GUF1: variants seen among roughly 807,000 people sequenced by gnomAD.
The protein encoded by GUF1 is GTP binding elongation factor GUF1.
Under a neutral mutation model 82.4 loss-of-function variants are expected in GUF1, and 78 were observed. The observed-to-expected ratio is 0.95, with a 90% CI of 0.79 to 1.14. The LOEUF (loss-of-function observed/expected upper bound fraction) is 1.14, where lower values mean the gene tolerates loss of function less well. Among genes scored for constraint, GUF1 ranks in the 50% most tolerant of loss-of-function variants. GUF1 has a pLI of 0.00. For synonymous variants in GUF1, 279 were observed against 282.3 expected, an observed-to-expected ratio of 0.99 and a Z score of 0.12; for missense variants, 814 against 798.2, an observed-to-expected ratio of 1.02 and a Z score of -0.24.
chr4:44,693,999 A>G (rs1715613619), intron 13 of GUF1: 2 of 169,498 alleles, frequency 1.2e-5, no homozygotes, highest in Non-Finnish European at 2.5e-5. Context: ...CATAGCATTT[A>G]TTTAAACATA....
chr4:44,685,593 G>A (rs1314962130), intron 6 of GUF1, among the ~76,000 whole-genome samples: 5 of 151,934 alleles, frequency 3.3e-5, no homozygotes, highest in Non-Finnish European at 7.4e-5. Flanking sequence ...TGAGATTTAG[G>A]CAGAATATGA....
At chr4:44,679,006 C>A (rs1445103770) in intron 1 of GUF1, among the ~76,000 whole-genome samples, 2 of 152,202 alleles carry the variant, frequency 1.3e-5, no homozygotes, top group African/African-American at 4.8e-5. Context: ...TAGGTTTTCT[C>A]ATTTTCAATG....
intron 8 of GUF1, among the ~76,000 whole-genome samples, chr4:44,687,044 A>G (rs915093462): frequency 6.6e-6 from 1 of 151,946 alleles, no homozygotes; most frequent in Non-Finnish European, 1.5e-5. Flanking sequence ...ACATTTCTTC[A>G]TAACTAGATT....
At position 44,680,782 on chromosome 4, in the gene GUF1, A is replaced by G. The variant is rs1448928755; in HGVS notation, c.366A>G (p.Thr122=). 2 of 1,612,102 alleles carry G rather than the reference A, an allele frequency of 1.2e-6. No homozygotes were observed. The highest frequency in any genetic ancestry group is 1.7e-6 in the Non-Finnish European group (2 of 1,178,466). Residue 122 remains threonine (T), a synonymous_variant, in exon 3 of 17, where the codon ACA becomes ACG. Transcript: ENST00000281543. ...RERGITVKAQ[T]ASLFYNCEGK... ...GAGGAATCACTGTTAAAGCACAGAC[A>G]GCATCTCTCTTTTACAATTGTGAAG...
intron 8 of GUF1, 45 bp from the exon 9 acceptor site, chr4:44,687,962 G>C: frequency 1.9e-6 from 3 of 1,549,092 alleles, no homozygotes; most frequent in Non-Finnish European, 2.7e-6. Context: ...TTATGTGCTT[G>C]AAACATTAAA....
intron 10 of GUF1, 108 bp from the exon 11 acceptor site, chr4:44,689,731 TTGAA>T: frequency 1.2e-6 from 1 of 858,794 alleles, no homozygotes; most frequent in Non-Finnish European, 1.7e-6. Context: ...TGTGAATTGT[TTGAA>T]TGACTTAATT....
At position 44,698,642 on chromosome 4, in the gene GUF1, T is replaced by C. The variant is rs1292638794; in HGVS notation, c.1971T>C (p.Asp657=). ...RKIGNVEVPK[D]AFIKVLKTQS... is the part of the protein sequence containing the mutation. ...TTGGCAACGTTGAAGTTCCAAAAGATGCTTTTATAAAAGTTCTGAAAACAC... is the reference window on the plus strand; with the variant it reads ...TTGGCAACGTTGAAGTTCCAAAAGACGCTTTTATAAAAGTTCTGAAAACAC... Residue 657 remains aspartate (D), a synonymous_variant, in exon 17 of 17, where the codon GAT becomes GAC. Transcript: ENST00000281543. The C allele has an allele frequency of 1.9e-6, 3 of 1,607,734 alleles. No individual in the cohort carries two copies. The African/African-American group carries it at 4.0e-5, about 22-fold the overall frequency.
At chr4:44,681,889 G>A (rs1357419409) in intron 4 of GUF1, among the ~76,000 whole-genome samples, 1 of 152,028 alleles carries the variant, frequency 6.6e-6, no homozygotes, top group East Asian at 1.9e-4. Flanking sequence ...AATAAGCTTT[G>A]AGGTCCTTGA....
intron 4 of GUF1, among the ~76,000 whole-genome samples, chr4:44,681,477 C>T (rs1436928556): frequency 1.3e-5 from 2 of 151,508 alleles, no homozygotes; most frequent in Non-Finnish European, 2.9e-5. Flanking sequence ...TGCATCTTAC[C>T]AAAAAAACCC....
Position 44,686,625 on chromosome 4 carries a change from G to A in GUF1, c.850G>A (p.Asp284Asn). ...ATTTGACGGAGTGGTTTCCAAAGGA[G>A]ATAAAATTGTATCTGCACATACTCA... The part of the protein sequence containing the change: ...ALFDGVVSKG[D>N]KIVSAHTQKT... Residue 284 changes from aspartate (D) to asparagine (N), a missense_variant, in exon 8 of 17, where the codon GAT becomes AAT. Physicochemically the swap from Asp to Asn is conservative, Grantham distance 23. Coordinates refer to ENST00000281543, the MANE Select transcript of GUF1 (RefSeq NM_021927.3). 1 of 1,612,078 alleles carries A rather than the reference G, an allele frequency of 6.2e-7. No individual in the cohort carries two copies.
chr4:44,698,038 C>T (rs965859463), intron 16 of GUF1, among the ~76,000 whole-genome samples: 2 of 151,962 alleles, frequency 1.3e-5, no homozygotes, highest in African/African-American at 2.4e-5. Context: ...CTCAGTTACT[C>T]GGGAGGGTGC....
chr4:44,682,926 A>G (rs1030857625), intron 5 of GUF1, among the ~76,000 whole-genome samples: 2 of 152,116 alleles, frequency 1.3e-5, no homozygotes, highest in Non-Finnish European at 2.9e-5. Flanking sequence ...TTAATGTTGT[A>G]TTTAACTTAA....
intron 10 of GUF1, 98 bp downstream of exon 10, chr4:44,689,507 T>G: frequency 1.5e-6 from 2 of 1,307,334 alleles, no homozygotes; most frequent in Non-Finnish European, 2.1e-6. Flanking sequence ...AAAAATATCT[T>G]TATAAGTAAG....
chr4:44,684,955 A>C (rs1329197143), intron 6 of GUF1, among the ~76,000 whole-genome samples: 1 of 152,110 alleles, frequency 6.6e-6, no homozygotes, highest in East Asian at 1.9e-4. Context: ...GAAAAAACAC[A>C]TAATTGGATG....
At chr4:44,687,975 A>G (rs760006761) in intron 8 of GUF1, 32 bp from the exon 9 acceptor site, 9 of 1,588,512 alleles carry the variant, frequency 5.7e-6, no homozygotes, top group Non-Finnish European at 8.6e-7. Context: ...ACATTAAAGC[A>G]GTAAATATTT....
intron 7 of GUF1, 128 bp downstream of exon 7, chr4:44,686,151 G>C (rs1715036545): frequency 1.3e-5 from 9 of 681,220 alleles, no homozygotes; most frequent in Non-Finnish European, 5.1e-6. Flanking sequence ...AAATATTCTT[G>C]CAGGCAGCGA....
chr4:44,683,405 G>T, intron 6 of GUF1, 87 bp downstream of exon 6: 1 of 667,222 alleles, frequency 1.5e-6, no homozygotes, highest in Non-Finnish European at 2.5e-6. Context: ...TGATAACCTG[G>T]CATTATATGC....
chr4:44,700,574 G>A lies in GUF1; in HGVS notation c.*1893G>A, dbSNP rs189513151. The A allele has an allele frequency of 4.6e-5, 7 of 152,178 alleles. No individual in the cohort carries two copies. Among genetic ancestry groups the A allele is most frequent in the African/African-American group, 1.4e-4 (6 of 41,482 alleles). The allele number at this position is 152,178 out of a possible 1,614,324, so 9.4% of individuals were successfully genotyped here. ...GATGTCTCATGTCTCTCTAAAATGT[G>A]TAAAACCAAGCTGTGCCCCAACCAC... On this transcript the variant is annotated 3_prime_UTR_variant, in exon 17 of 17. Coordinates refer to ENST00000281543, the MANE Select transcript of GUF1 (RefSeq NM_021927.3).
intron 13 of GUF1, among the ~76,000 whole-genome samples, chr4:44,693,536 A>AAATTAAT (rs1346979813): frequency 6.6e-6 from 1 of 152,042 alleles, no homozygotes; most frequent in Non-Finnish European, 1.5e-5. Flanking sequence ...GTACTTCTGA[A>AAATTAAT]AATAATCTGT....
Sources: gnomAD v4.1 joint callset for allele counts (sites outside exome capture counted in the v4.1 genomes callset) on GRCh38, gnomAD v4.1.1 for gene constraint, MANE v1.5 for transcripts, NCBI Gene and HGNC (gene_info 2026-07-23, HGNC 2026-07-21) for gene names.